AOPEP: variants seen among roughly 807,000 people sequenced by gnomAD.
The protein encoded by AOPEP is aminopeptidase O.
In AOPEP, 77 loss-of-function variants were observed where a neutral mutation model predicts 98.1. The ratio of observed to expected loss-of-function variants is 0.78; its 90% CI spans 0.65 to 0.95. The LOEUF is 0.95. AOPEP is among the 40% of genes least tolerant of loss of function. AOPEP has a pLI of 0.00. For synonymous variants in AOPEP, 346 were observed against 365.3 expected (o/e 0.95, Z 0.60); for missense variants, 1,024 against 1,024.7 (o/e 1.00, Z 0.01).
the AOPEP span, among the ~76,000 whole-genome samples, chr9:95,148,641 T>C: frequency 6.6e-6 from 1 of 152,218 alleles, no homozygotes; most frequent in Non-Finnish European, 1.5e-5. Flanking sequence ...ATATGAAATA[T>C]GTCAATGTTT....
intron 16 of AOPEP, among the ~76,000 whole-genome samples, chr9:95,084,655 T>G (rs1371738712): frequency 2.0e-5 from 3 of 152,194 alleles, no homozygotes; most frequent in Non-Finnish European, 4.4e-5. Context: ...TCGCCACTCT[T>G]TATGGGGAAT....
At chr9:94,991,002 A>G (rs1396294472) in intron 11 of AOPEP, among the ~76,000 whole-genome samples, 1 of 152,202 alleles carries the variant, frequency 6.6e-6, no homozygotes, top group Admixed American at 6.5e-5. Context: ...GCAGTAGTTG[A>G]GTGAGTTGTG....
intron 5 of AOPEP, chr9:94,824,623 C>G (rs1343468843): frequency 6.6e-6 from 1 of 152,128 alleles, no homozygotes; most frequent in Non-Finnish European, 1.5e-5. Flanking sequence ...AGGGTGGAAC[C>G]AGGAGCTCAT....
intron 11 of AOPEP, among the ~76,000 whole-genome samples, chr9:94,985,186 T>C (rs2060442212): frequency 6.6e-6 from 1 of 152,264 alleles, no homozygotes; most frequent in African/African-American, 2.4e-5. Flanking sequence ...GACAATAATG[T>C]GTCCCAGAAA....
chr9:95,145,965 T>C, the AOPEP span, among the ~76,000 whole-genome samples: 4 of 150,022 alleles, frequency 2.7e-5, no homozygotes, highest in South Asian at 8.6e-4. Flanking sequence ...ACTCTGATTC[T>C]TTATTTTTTT....
intron 5 of AOPEP, among the ~76,000 whole-genome samples, chr9:94,839,737 A>G (rs1368287563): frequency 6.6e-6 from 1 of 151,990 alleles, no homozygotes; most frequent in Non-Finnish European, 1.5e-5. Flanking sequence ...TATGATGTGG[A>G]CAGGAGTGGT....
At chr9:95,005,362 G>C in intron 12 of AOPEP, 142 bp downstream of exon 12, 2 of 759,980 alleles carry the variant, frequency 2.6e-6, no homozygotes, top group Non-Finnish European at 3.8e-6. Context: ...GAGCGGCCGT[G>C]ACGAAGGTCG....
At chr9:95,126,784 A>G in the AOPEP span, 1 of 589,850 alleles carries the variant, frequency 1.7e-6, no homozygotes, top group Non-Finnish European at 3.1e-6. Flanking sequence ...CAGGGGTTAC[A>G]GGCAGCTTAT....
chr9:94,973,773 A>T (rs1332595146), intron 10 of AOPEP, among the ~76,000 whole-genome samples: 1 of 152,190 alleles, frequency 6.6e-6, no homozygotes, highest in Non-Finnish European at 1.5e-5. Context: ...GTATAAAATC[A>T]ATTTCCATAG....
At chr9:94,835,406 T>G (rs114330131) in intron 5 of AOPEP, among the ~76,000 whole-genome samples, 3 of 152,218 alleles carry the variant, frequency 2.0e-5, no homozygotes, top group African/African-American at 7.2e-5. Context: ...TTTCTTTTAT[T>G]CTGCATATCA....
At chr9:94,729,683 T>A (rs1830073278) in intron 1 of AOPEP, among the ~76,000 whole-genome samples, 1 of 152,086 alleles carries the variant, frequency 6.6e-6, no homozygotes, top group Non-Finnish European at 1.5e-5. Context: ...CATTGTAGGA[T>A]GTTAGCAGTA....
chr9:94,815,443 T>C (rs750112901), intron 5 of AOPEP, among the ~76,000 whole-genome samples: 4 of 152,148 alleles, frequency 2.6e-5, no homozygotes, highest in Non-Finnish European at 5.9e-5. Flanking sequence ...TATTCTTAGT[T>C]GCCATGTCAA....
intron 5 of AOPEP, among the ~76,000 whole-genome samples, chr9:94,873,645 C>T (rs2046592492): frequency 6.6e-6 from 1 of 152,196 alleles, no homozygotes; most frequent in South Asian, 2.1e-4. Flanking sequence ...CCTGAAGAAT[C>T]TGAGCAGTTA....
chr9:94,980,859 G>A lies in AOPEP; in HGVS notation c.1977+1432G>A, dbSNP rs1413014302. 6.6e-6 allele frequency among the ~76,000 whole-genome samples: 1 copy of A among 152,214 alleles called. No homozygotes were observed. The highest frequency in any genetic ancestry group is 1.5e-5 in the Non-Finnish European group (1 of 68,046). On this transcript the variant is annotated intron_variant, in intron 11 of 16. Transcript: ENST00000375315. This position sits in a 1 kb window ranked among gnomAD's most constrained non-coding sequence, Gnocchi z 4.3. ...ATCCAGGAAAAACAAGTTAAGGTTT[G>A]TCTAGGTGTGAATAACCAACCCTTT...
At chr9:94,834,808 GCATGCATACATA>G (rs1401730749) in intron 5 of AOPEP, among the ~76,000 whole-genome samples, 7 of 102,688 alleles carry the variant, frequency 6.8e-5, no homozygotes, top group African/African-American at 3.5e-4. Context: ...ATGCATGCAT[GCATGCATACATA>G]CATACATACA....
At chr9:94,965,499 GTGA>G (rs1437981542) in intron 9 of AOPEP, among the ~76,000 whole-genome samples, 2 of 152,240 alleles carry the variant, frequency 1.3e-5, no homozygotes, top group Non-Finnish European at 2.9e-5. Flanking sequence ...GTATTTCTGT[GTGA>G]TGATAGAAGA....
At chr9:94,828,812 A>G (rs1019982385) in intron 5 of AOPEP, among the ~76,000 whole-genome samples, 2 of 151,184 alleles carry the variant, frequency 1.3e-5, no homozygotes, top group East Asian at 3.9e-4. Context: ...TTATTTATAT[A>G]TATTTCTTAT....
chr9:95,095,397 C>A, the AOPEP span, among the ~76,000 whole-genome samples: 1 of 152,310 alleles, frequency 6.6e-6, no homozygotes, highest in Admixed American at 6.5e-5. Context: ...CCCTGCCGTC[C>A]CGTTCCCTGT....
intron 16 of AOPEP, among the ~76,000 whole-genome samples, chr9:95,085,711 T>C (rs2070579088): frequency 6.6e-6 from 1 of 152,198 alleles, no homozygotes; most frequent in African/African-American, 2.4e-5. Flanking sequence ...ACTGAGTCCT[T>C]AAGTCTGTCC....
Sources: allele counts gnomAD v4.1 joint callset (sites outside exome capture counted in the v4.1 genomes callset), GRCh38; gene constraint gnomAD v4.1.1; non-coding constraint Gnocchi (gnomAD v3.1); transcripts MANE v1.5; gene names NCBI Gene and HGNC (gene_info 2026-07-23, HGNC 2026-07-21).